Variants in FER observed in about 807,000 individuals in gnomAD.
The protein encoded by FER is tyrosine-protein kinase Fer.
In FER, 63 loss-of-function variants were observed where a neutral mutation model predicts 111.0. That is an observed-to-expected ratio of 0.57 (90% confidence interval 0.46 to 0.70). The LOEUF (loss-of-function observed/expected upper bound fraction) is 0.70, where lower values mean the gene tolerates loss of function less well. Among genes scored for constraint, FER ranks in the 30% least tolerant of loss-of-function variants. The pLI is 0.00. For synonymous variants in FER, 327 were observed against 313.9 expected (o/e 1.04, Z -0.44); for missense variants, 914 against 954.0 (o/e 0.96, Z 0.55).
chr5:109,118,095 AAGGGAATGCTTCC>A (rs1750487849), intron 17 of FER, among the ~76,000 whole-genome samples: 1 of 152,074 alleles, frequency 6.6e-6, no homozygotes, highest in South Asian at 2.1e-4. Flanking sequence ...CCAATTTTCA[AAGGGAATGCTTCC>A]AGTTTTTGCC....
intron 16 of FER, among the ~76,000 whole-genome samples, chr5:109,098,019 A>C (rs1378018067): frequency 6.6e-6 from 1 of 151,836 alleles, no homozygotes; most frequent in Non-Finnish European, 1.5e-5. Context: ...AGATTTAATG[A>C]CTCGAAGCAA....
At chr5:108,820,646 C>G in intron 3 of FER, 2 of 541,784 alleles carry the variant, frequency 3.7e-6, no homozygotes, top group Non-Finnish European at 4.7e-6. Flanking sequence ...GAGACTGGAC[C>G]GTAACTGAGC....
At chr5:108,994,286 A>G (rs1012572491) in intron 13 of FER, among the ~76,000 whole-genome samples, 2 of 152,128 alleles carry the variant, frequency 1.3e-5, no homozygotes, top group Non-Finnish European at 2.9e-5. Context: ...TAATTTTTGT[A>G]TAAGGTATAA....
At chr5:108,816,222 A>C (rs1758262432) in intron 3 of FER, among the ~76,000 whole-genome samples, 1 of 152,226 alleles carries the variant, frequency 6.6e-6, no homozygotes, top group South Asian at 2.1e-4. Flanking sequence ...AACCTGAAGA[A>C]GCACTAGGTG....
At chr5:109,126,315 C>G (rs1011488833) in intron 17 of FER, among the ~76,000 whole-genome samples, 2 of 152,120 alleles carry the variant, frequency 1.3e-5, no homozygotes, top group East Asian at 3.9e-4. Flanking sequence ...TCTTTAAGCA[C>G]TCTAGCCTTC....
At chr5:108,796,354 G>T (rs937119875) in intron 2 of FER, among the ~76,000 whole-genome samples, 2 of 152,112 alleles carry the variant, frequency 1.3e-5, no homozygotes, top group African/African-American at 4.8e-5. Context: ...TCATGCCCAA[G>T]GCCCACTGTA....
intron 5 of FER, chr5:108,841,726 G>A: frequency 3.9e-6 from 1 of 258,842 alleles, no homozygotes; most frequent in Non-Finnish European, 7.7e-6. Flanking sequence ...CCTGCAGTCT[G>A]TTTTGTACCA....
At chr5:108,769,320 C>T (rs555390612) in intron 2 of FER, among the ~76,000 whole-genome samples, 1 of 152,002 alleles carries the variant, frequency 6.6e-6, no homozygotes, top group African/African-American at 2.4e-5. Context: ...ATTGGAAGAG[C>T]ATTCTCATTA....
chr5:108,811,570 G>A (rs942376604), intron 3 of FER, among the ~76,000 whole-genome samples: 5 of 152,124 alleles, frequency 3.3e-5, no homozygotes, highest in African/African-American at 7.2e-5. Context: ...ATGGTTGATA[G>A]TGGTGTTTAA....
At chr5:109,164,342 A>G (rs1756315907) in intron 17 of FER, among the ~76,000 whole-genome samples, 1 of 152,180 alleles carries the variant, frequency 6.6e-6, no homozygotes, top group Non-Finnish European at 1.5e-5. Flanking sequence ...GATAGTATTA[A>G]GATAGTCCAA....
chr5:108,891,331 C>A (rs377375073), intron 9 of FER: 3 of 152,090 alleles, frequency 2.0e-5, no homozygotes, highest in African/African-American at 7.2e-5. Flanking sequence ...ACACATATGT[C>A]ATTTGTAAAT....
At chr5:109,051,318 C>T (rs1772769081) in intron 16 of FER, 3 of 1,578,046 alleles carry the variant, frequency 1.9e-6, no homozygotes, top group Non-Finnish European at 2.6e-6. Flanking sequence ...GTATCTAGAT[C>T]TCCAGGTCAT....
intron 10 of FER, among the ~76,000 whole-genome samples, chr5:108,925,347 A>G (rs116627910): frequency 0.018 from 2,672 of 152,132 alleles, 45 homozygotes; most frequent in Non-Finnish European, 0.023. Flanking sequence ...GCTTTTCATT[A>G]TGATATGTAG....
At chr5:109,124,587 T>TTTGTTGTTGTTG (rs148987260) in intron 17 of FER, among the ~76,000 whole-genome samples, 2 of 150,070 alleles carry the variant, frequency 1.3e-5, no homozygotes, top group African/African-American at 5.0e-5. Context: ...TTTTAATAGT[T>TTTGTTGTTGTTG]TTGTTGTTGT....
At chr5:108,816,069 G>GC (rs777411630) in intron 3 of FER, among the ~76,000 whole-genome samples, 44 of 150,846 alleles carry the variant, frequency 2.9e-4, no homozygotes, top group Admixed American at 1.5e-3. Context: ...CTACACCACC[G>GC]CCCCCCCAAA....
intron 2 of FER, among the ~76,000 whole-genome samples, chr5:108,796,922 G>A (rs1266267304): frequency 6.6e-6 from 1 of 151,806 alleles, no homozygotes; most frequent in Non-Finnish European, 1.5e-5. Context: ...TTTTCTCTTT[G>A]TTTTTCTCAA....
At chr5:109,069,547 T>C (rs980960187) in intron 16 of FER, among the ~76,000 whole-genome samples, 1 of 152,146 alleles carries the variant, frequency 6.6e-6, no homozygotes, top group Non-Finnish European at 1.5e-5. Flanking sequence ...CTCTACCCCC[T>C]GAGTATATTG....
At chr5:108,920,459 C>T (rs1752876734) in intron 10 of FER, among the ~76,000 whole-genome samples, 1 of 152,110 alleles carries the variant, frequency 6.6e-6, no homozygotes. Flanking sequence ...AAAGTAATTA[C>T]ACTGATAATC....
intron 13 of FER, among the ~76,000 whole-genome samples, chr5:109,027,784 A>T (rs1371117792): frequency 2.6e-5 from 4 of 152,136 alleles, no homozygotes; most frequent in African/African-American, 4.8e-5. Context: ...GACGTTGCTT[A>T]TTTGATAGTT....
Sources: allele counts gnomAD v4.1 joint callset (sites outside exome capture counted in the v4.1 genomes callset), GRCh38; gene constraint gnomAD v4.1.1; transcripts MANE v1.5; gene names NCBI Gene and HGNC (gene_info 2026-07-23, HGNC 2026-07-21).